Variants in BMPR1B observed in about 807,000 individuals in gnomAD.
BMPR1B encodes the protein bone morphogenetic protein receptor type-1B.
Under a neutral mutation model 59.1 loss-of-function variants are expected in BMPR1B, and 12 were observed. That is an observed-to-expected ratio of 0.20 (90% CI 0.13 to 0.33). The LOEUF (loss-of-function observed/expected upper bound fraction) is 0.33. Among genes scored for constraint, BMPR1B ranks in the 10% least tolerant of loss-of-function variants. The pLI is 1.00. For missense variants in BMPR1B, 550 were observed against 610.9 expected, an observed-to-expected ratio of 0.90 and a Z score of 1.05; for synonymous variants, 237 against 207.3, an observed-to-expected ratio of 1.14 and a Z score of -1.23.
intron 1 of BMPR1B, among the ~76,000 whole-genome samples, chr4:94,816,196 G>A (rs977493639): frequency 1.3e-5 from 2 of 152,074 alleles, no homozygotes; most frequent in Admixed American, 1.3e-4. Flanking sequence ...AACTAGGCTG[G>A]AGTGCAGTGG....
At chr4:94,790,567 A>C (rs145106910) in intron 1 of BMPR1B, among the ~76,000 whole-genome samples, 42 of 152,210 alleles carry the variant, frequency 2.8e-4, no homozygotes, top group African/African-American at 9.9e-4. Context: ...TCTGCAGAGG[A>C]GTTCATAAAG....
intron 1 of BMPR1B, among the ~76,000 whole-genome samples, chr4:94,800,346 G>A (rs536948957): frequency 6.6e-6 from 1 of 152,014 alleles, no homozygotes; most frequent in African/African-American, 2.4e-5. Flanking sequence ...TTCAAGGATT[G>A]GTAAAACAGG....
At chr4:94,759,818 G>A (rs1721689365) in intron 1 of BMPR1B, among the ~76,000 whole-genome samples, 1 of 152,178 alleles carries the variant, frequency 6.6e-6, no homozygotes, top group Non-Finnish European at 1.5e-5. Context: ...AGATCATTGT[G>A]CAATGCAAAA....
intron 10 of BMPR1B, among the ~76,000 whole-genome samples, chr4:95,142,767 G>T (rs1734338193): frequency 6.6e-6 from 1 of 151,080 alleles, no homozygotes; most frequent in Non-Finnish European, 1.5e-5. Flanking sequence ...TTCAGTTTAT[G>T]GTACAGTGGG....
intron 6 of BMPR1B, among the ~76,000 whole-genome samples, chr4:95,123,415 G>A (rs1732668756): frequency 6.6e-6 from 1 of 152,032 alleles, no homozygotes; most frequent in Admixed American, 6.6e-5. Flanking sequence ...TCAAATTCAT[G>A]GTATAGAGTA....
intron 2 of BMPR1B, among the ~76,000 whole-genome samples, chr4:94,925,437 G>A (rs531958686): frequency 2.0e-5 from 3 of 152,122 alleles, no homozygotes; most frequent in Non-Finnish European, 4.4e-5. Flanking sequence ...AGTCTGTTTT[G>A]ATATAAGTCA....
chr4:94,949,418 G>A lies in BMPR1B; in HGVS notation c.-112-46622G>A, dbSNP rs369215375. ...TGCAAGCTCTGCTTCCCGGGTTCAC[G>A]CCATTCTCCTGCCTCAGCCTCCCGA... On this transcript the variant is annotated intron_variant, in intron 2 of 12. Transcript: ENST00000515059. 1.4e-4 allele frequency among the ~76,000 whole-genome samples: 14 copies of A among 102,972 alleles called. No homozygotes were observed. The East Asian group carries it at 2.6e-3, about 19-fold the overall frequency. The allele number at this position is 102,972 out of a possible 152,430, so 67.6% of individuals were successfully genotyped here. A position where few individuals can be genotyped will look rare whatever the true frequency, so the allele number is the denominator to read the frequency against.
intron 3 of BMPR1B, among the ~76,000 whole-genome samples, chr4:95,065,978 A>G (rs1727770321): frequency 6.6e-6 from 1 of 152,176 alleles, no homozygotes; most frequent in Non-Finnish European, 1.5e-5. Flanking sequence ...CTTTTGCTAA[A>G]AACTTAGCGC....
intron 1 of BMPR1B, among the ~76,000 whole-genome samples, chr4:94,772,698 A>G (rs1722228590): frequency 6.6e-6 from 1 of 152,112 alleles, no homozygotes; most frequent in South Asian, 2.1e-4. Context: ...TTTTTCCATT[A>G]TGGAAAATTA....
chr4:95,091,361 T>G, intron 3 of BMPR1B: 1 of 669,976 alleles, frequency 1.5e-6, no homozygotes, highest in Non-Finnish European at 1.8e-6. Flanking sequence ...CCATGGGTCC[T>G]GAACATAGCT....
chr4:94,976,032 G>C (rs1257734991), intron 2 of BMPR1B, among the ~76,000 whole-genome samples: 1 of 152,204 alleles, frequency 6.6e-6, no homozygotes, highest in Non-Finnish European at 1.5e-5. Context: ...TTCTGGGTTA[G>C]GGTATCTCCT....
intron 2 of BMPR1B, among the ~76,000 whole-genome samples, chr4:94,924,511 G>A (rs114866837): frequency 1.1e-3 from 162 of 152,224 alleles, no homozygotes; most frequent in African/African-American, 3.4e-3. Flanking sequence ...ATGATAAAGA[G>A]TGGGGACAGA....
At chr4:94,854,857 T>A (rs11730828) in intron 1 of BMPR1B, among the ~76,000 whole-genome samples, 92,045 of 151,592 alleles carry the variant, frequency 0.61, 28,783 homozygotes, top group African/African-American at 0.76. Flanking sequence ...GCTCTAGGGT[T>A]GTAAGCTTTT....
At chr4:94,835,956 G>A (rs929398271) in intron 1 of BMPR1B, among the ~76,000 whole-genome samples, 1 of 130,840 alleles carries the variant, frequency 7.6e-6, no homozygotes, top group Non-Finnish European at 1.5e-5. Context: ...TCCCCTTCCT[G>A]TGTCCATGTG....
At chr4:94,853,749 C>T (rs1725649230) in intron 1 of BMPR1B, among the ~76,000 whole-genome samples, 1 of 152,098 alleles carries the variant, frequency 6.6e-6, no homozygotes, top group Admixed American at 6.6e-5. Context: ...ACCTCACCCT[C>T]CATTTCTCCA....
chr4:94,849,798 G>GTT (rs1553912370), intron 1 of BMPR1B, among the ~76,000 whole-genome samples: 1 of 149,678 alleles, frequency 6.7e-6, no homozygotes, highest in African/African-American at 2.5e-5. Flanking sequence ...TTTTTGGTGT[G>GTT]TGTGTGTGTG....
chr4:94,912,122 G>A (rs1009120986), intron 2 of BMPR1B, among the ~76,000 whole-genome samples: 5 of 152,182 alleles, frequency 3.3e-5, no homozygotes, highest in East Asian at 1.9e-4. Context: ...GTTAGATCTC[G>A]TGAGACTTAT....
chr4:94,998,750 G>GTCTTTCT (rs978079425), intron 3 of BMPR1B, among the ~76,000 whole-genome samples: 15 of 151,958 alleles, frequency 9.9e-5, no homozygotes, highest in African/African-American at 3.6e-4. Context: ...TCCCATCCCT[G>GTCTTTCT]TCTTTCTACT....
intron 1 of BMPR1B, among the ~76,000 whole-genome samples, chr4:94,785,198 C>T (rs1305888413): frequency 1.3e-5 from 2 of 152,188 alleles, no homozygotes; most frequent in African/African-American, 2.4e-5. Flanking sequence ...CCTGTCCTGC[C>T]TCATTTCCCC....
Sources: gnomAD v4.1 joint callset for allele counts (sites outside exome capture counted in the v4.1 genomes callset) on GRCh38, gnomAD v4.1.1 for gene constraint, MANE v1.5 for transcripts, NCBI Gene and HGNC (gene_info 2026-07-23, HGNC 2026-07-21) for gene names.